RPN1: variants seen among roughly 807,000 people sequenced by gnomAD.
The protein encoded by RPN1 is ribophorin I, also known as dolichyl-diphosphooligosaccharide--protein glycosyltransferase subunit 1.
RPN1 carries 12 observed loss-of-function variants against 55.5 expected under a neutral mutation model. That is an observed-to-expected ratio of 0.22 (90% CI 0.14 to 0.35). RPN1 has a LOEUF of 0.35. Among genes scored for constraint, RPN1 ranks in the 10% least tolerant of loss-of-function variants. The pLI is 1.00. For missense variants in RPN1, 679 were observed against 761.3 expected, an observed-to-expected ratio of 0.89 and a Z score of 1.27; for synonymous variants, 317 against 305.9, an observed-to-expected ratio of 1.04 and a Z score of -0.38.
intron 4 of RPN1, among the ~76,000 whole-genome samples, chr3:128,630,907 A>G (rs2069636324): frequency 1.4e-5 from 2 of 148,136 alleles, no homozygotes. Flanking sequence ...AGGTCAGAAG[A>G]TCGAGACCAT....
rs1454810501 is a variant in RPN1, at chr3:128,630,054, A to G, written c.933T>C (p.Ser311=). The G allele has an allele frequency of 2.5e-6, 4 of 1,613,238 alleles. No homozygotes were observed. Among genetic ancestry groups the G allele is most frequent in the East Asian group, 2.2e-5 (1 of 44,880 alleles). ...AGCGAGGCCGGATTTCCATCTCTACAGAGTCATCCAAAATAAGGAGGTGGC... is the reference window on the plus strand; with the variant it reads ...AGCGAGGCCGGATTTCCATCTCTACGGAGTCATCCAAAATAAGGAGGTGGC... ...STSHLLILDD[S]VEMEIRPRFP... is the part of the protein sequence containing the mutation. The change falls in exon 5 of 10, where the codon TCT becomes TCC. Residue 311 remains serine, a synonymous_variant. Coordinates refer to ENST00000296255, the MANE Select transcript of RPN1 (RefSeq NM_002950.4).
At chr3:128,645,273 A>G (rs2069758068) in intron 1 of RPN1, among the ~76,000 whole-genome samples, 1 of 152,100 alleles carries the variant, frequency 6.6e-6, no homozygotes, top group African/African-American at 2.4e-5. Flanking sequence ...GGAGTTCGAG[A>G]CCAGCCTGAC....
At position 128,635,688 on chromosome 3, in the gene RPN1, TATAC is replaced by T. The variant is rs1237923967; in HGVS notation, c.633+2107_633+2110del. On this transcript the variant is annotated intron_variant, in intron 3 of 9. Transcript: ENST00000296255. ...ATAGATATCTATAGATATCTATAGA[TATAC>T]ACACACACACACACACACACACACG... 4.1e-5 allele frequency among the ~76,000 whole-genome samples: 5 copies of T among 121,198 alleles called. No homozygotes were observed. In the East Asian group the frequency reaches 6.2e-4, roughly 15 times the overall value. The allele number at this position is 121,198 out of a possible 152,430, so 79.5% of individuals were successfully genotyped here.
chr3:128,633,383 C>T (rs991880549), intron 3 of RPN1, among the ~76,000 whole-genome samples: 11 of 151,908 alleles, frequency 7.2e-5, no homozygotes, highest in East Asian at 3.9e-4. Flanking sequence ...CATGCCACCA[C>T]GCCCAGCTAA....
intron 1 of RPN1, among the ~76,000 whole-genome samples, chr3:128,650,217 CAG>C (rs1459124380): frequency 1.3e-5 from 2 of 152,230 alleles, no homozygotes; most frequent in Non-Finnish European, 2.9e-5. Context: ...ACGGCCCAAA[CAG>C]GGGCAAGCTC....
At chr3:128,634,650 C>A (rs2069664165) in intron 3 of RPN1, among the ~76,000 whole-genome samples, 1 of 151,512 alleles carries the variant, frequency 6.6e-6, no homozygotes, top group Admixed American at 6.6e-5. Flanking sequence ...GCAACTTCCA[C>A]CTCCCAGGTT....
intron 6 of RPN1, 123 bp from the exon 7 acceptor site, chr3:128,626,135 T>C: frequency 3.2e-6 from 3 of 931,720 alleles, no homozygotes; most frequent in South Asian, 3.4e-5. Context: ...TCCTCCACTC[T>C]GCTCCCTTCT....
chr3:128,644,998 G>T lies in RPN1; in HGVS notation c.262-15C>A. The T allele has an allele frequency of 6.7e-7, 1 of 1,495,498 alleles. No individual in the cohort carries two copies. The highest frequency in any genetic ancestry group is 1.1e-5 in the South Asian group (1 of 88,298). 92.6% of individuals were successfully genotyped at this position (1,495,498 alleles called of 1,614,324 possible). A position where few individuals can be genotyped will look rare whatever the true frequency, so the allele number is the denominator to read the frequency against. On this transcript the variant is annotated splice_polypyrimidine_tract_variant and intron_variant, in intron 1 of 9. Transcript: ENST00000296255. ...TCTCCCTTTACCTACAACAGAAAAAGATAGTTTATTATTCATGTCTTTTGG... is the reference window on the plus strand; with the variant it reads ...TCTCCCTTTACCTACAACAGAAAAATATAGTTTATTATTCATGTCTTTTGG...
chr3:128,628,258 T>C (rs534268932), intron 5 of RPN1, among the ~76,000 whole-genome samples: 3 of 147,090 alleles, frequency 2.0e-5, no homozygotes, highest in South Asian at 2.1e-4. Flanking sequence ...CTGAGATCGC[T>C]CCACTGCACT....
intron 1 of RPN1, 85 bp downstream of exon 1, chr3:128,650,454 GA>G: frequency 7.4e-7 from 1 of 1,360,394 alleles, no homozygotes; most frequent in Non-Finnish European, 9.9e-7. Context: ...CTGAGGCCTA[GA>G]GGGGCGCGGG....
chr3:128,630,213 A>G, intron 4 of RPN1, 70 bp from the exon 5 acceptor site: 1 of 1,026,660 alleles, frequency 9.7e-7, no homozygotes, highest in East Asian at 2.4e-5. Context: ...CTAAACACAG[A>G]AGACTTCCTG....
In RPN1 at chr3:128,626,947, C is replaced by A. The variant is rs910888271; in HGVS notation, c.1037-115G>T. Reference sequence around the variant, plus strand: ...AGCAAGTAGACAGCAAAACCAAAAACCCACGGACCATGTTTACAACAAAAC... The same window carrying A: ...AGCAAGTAGACAGCAAAACCAAAAAACCACGGACCATGTTTACAACAAAAC... On this transcript the variant is annotated intron_variant, in intron 5 of 9. Transcript: ENST00000296255. 7 of 846,832 alleles carry A rather than the reference C, an allele frequency of 8.3e-6. No homozygotes were observed. The African/African-American group carries it at 1.2e-4, about 14-fold the overall frequency. The allele number at this position is 846,832 out of a possible 1,614,324, so 52.5% of individuals were successfully genotyped here. A position where few individuals can be genotyped will look rare whatever the true frequency, so the allele number is the denominator to read the frequency against.
chr3:128,624,719 G>T (rs1041151005), intron 8 of RPN1, among the ~76,000 whole-genome samples: 13 of 151,040 alleles, frequency 8.6e-5, no homozygotes, highest in African/African-American at 2.9e-4. Context: ...CGCACCTGTG[G>T]TCCCAGCTAC....
chr3:128,625,615 C>T lies in RPN1; in HGVS notation c.1314G>A (p.Glu438=). The change falls in exon 8 of 10, where the codon GAG becomes GAA. Residue 438 remains glutamate, a synonymous_variant. Coordinates refer to ENST00000296255, the MANE Select transcript of RPN1 (RefSeq NM_002950.4). The part of the protein sequence containing the change: ...YTFNKVLMLQ[E]PLLVVAAFYI... ...AGAAGGCCGCCACCACCAGCAGGGG[C>T]TCCTGCAGCATGAGCACCTTGTTGA... 1 of 1,614,112 alleles carries T rather than the reference C, an allele frequency of 6.2e-7. No individual in the cohort carries two copies. Among genetic ancestry groups the T allele is most frequent in the Non-Finnish European group, 8.5e-7 (1 of 1,180,028 alleles).
chr3:128,620,115 C>T lies in RPN1; in HGVS notation c.*296G>A, dbSNP rs115754234. On this transcript the variant is annotated 3_prime_UTR_variant, in exon 10 of 10. Transcript: ENST00000296255. Reference sequence around the variant, plus strand: ...TTTATAGGCTGAAAAATATCTTAGACTTCAGAACAGAATACCAATCAAATA... The same window carrying T: ...TTTATAGGCTGAAAAATATCTTAGATTTCAGAACAGAATACCAATCAAATA... The T allele has an allele frequency of 0.027, 7,115 of 264,042 alleles. 145 individuals are homozygous for T. Among genetic ancestry groups the T allele is most frequent in the African/African-American group, 0.042 (1,926 of 45,734 alleles). The allele number at this position is 264,042 out of a possible 1,614,324, so 16.4% of individuals were successfully genotyped here. A position where few individuals can be genotyped will look rare whatever the true frequency, so the allele number is the denominator to read the frequency against.
chr3:128,646,222 CAAAAA>C (rs397803037), intron 1 of RPN1, among the ~76,000 whole-genome samples: 2 of 67,700 alleles, frequency 3.0e-5, no homozygotes, highest in East Asian at 5.2e-4. Flanking sequence ...GACTCCGTCT[CAAAAA>C]AAAAAAAAAA....
At chr3:128,650,441 T>C in intron 1 of RPN1, 99 bp downstream of exon 1, 1 of 1,247,316 alleles carries the variant, frequency 8.0e-7, no homozygotes, top group Admixed American at 2.8e-5. Context: ...GTCTCCGCAT[T>C]TCCTGAGGCC....
chr3:128,624,005 GCACACACA>G lies in RPN1; in HGVS notation c.1395+1521_1395+1528del, dbSNP rs74281186. 2.9e-3 allele frequency among the ~76,000 whole-genome samples: 425 copies of G among 148,012 alleles called. 1 individual carries two copies. Among genetic ancestry groups the G allele is most frequent in the Non-Finnish European group, 5.3e-3 (354 of 66,670 alleles). ...CAGAAATAATTACACACACACACAC[GCACACACA>G]CACACACACAGTTATTCCTCGAGCC... is the stretch of plus-strand genomic sequence containing the variant. On this transcript the variant is annotated intron_variant, in intron 8 of 9. Coordinates refer to ENST00000296255, the MANE Select transcript of RPN1 (RefSeq NM_002950.4).
intron 2 of RPN1, among the ~76,000 whole-genome samples, chr3:128,639,318 G>C (rs187083799): frequency 9.9e-5 from 15 of 152,026 alleles, no homozygotes; most frequent in Non-Finnish European, 2.2e-4. Context: ...GCCGGGCGTT[G>C]TGGCGGGCAC....
Sources: gnomAD v4.1 joint callset for allele counts (sites outside exome capture counted in the v4.1 genomes callset) on GRCh38, gnomAD v4.1.1 for gene constraint, MANE v1.5 for transcripts, NCBI Gene and HGNC (gene_info 2026-07-23, HGNC 2026-07-21) for gene names.